Variants in DNAH14 observed in about 807,000 individuals in gnomAD.
The protein encoded by DNAH14 is dynein axonemal heavy chain 14, also known as axonemal beta dynein heavy chain 14.
Under a neutral mutation model 520.9 loss-of-function variants are expected in DNAH14, and 478 were observed. The observed-to-expected ratio is 0.92, with a 90% CI of 0.85 to 0.99. The LOEUF is 0.99. Ranked by LOEUF, DNAH14 falls within the 50% of genes least tolerant of loss-of-function variation. DNAH14 has a pLI of 0.00. For missense variants in DNAH14, 4,831 were observed against 5,234.5 expected, an observed-to-expected ratio of 0.92 and a Z score of 2.38; for synonymous variants, 1,581 against 1,757.2, an observed-to-expected ratio of 0.90 and a Z score of 2.51.
intron 82 of DNAH14, among the ~76,000 whole-genome samples, chr1:225,389,312 G>C (rs1368218954): frequency 6.6e-6 from 1 of 152,210 alleles, no homozygotes; most frequent in African/African-American, 2.4e-5. Context: ...GAATATGGAA[G>C]TATTGAGATT....
At chr1:225,336,138 GA>G (rs941236679) in intron 66 of DNAH14, among the ~76,000 whole-genome samples, 2 of 148,870 alleles carry the variant, frequency 1.3e-5, no homozygotes, top group Non-Finnish European at 3.0e-5. Flanking sequence ...TGTATATGTA[GA>G]CAGACCTCAA....
intron 38 of DNAH14, among the ~76,000 whole-genome samples, 170 bp downstream of exon 38, chr1:225,193,081 A>G (rs2085660202): frequency 6.6e-6 from 1 of 152,176 alleles, no homozygotes; most frequent in Non-Finnish European, 1.5e-5. Flanking sequence ...AAAAAATGGA[A>G]AATCTCCCAT....
chr1:225,336,687 G>A (rs1486895842), intron 66 of DNAH14, among the ~76,000 whole-genome samples: 1 of 152,138 alleles, frequency 6.6e-6, no homozygotes, highest in Non-Finnish European at 1.5e-5. Flanking sequence ...ATAGAACATT[G>A]CCAAAATTGG....
chr1:224,972,236 T>C (rs2061539440), intron 7 of DNAH14, among the ~76,000 whole-genome samples: 1 of 152,128 alleles, frequency 6.6e-6, no homozygotes, highest in Admixed American at 6.5e-5. Flanking sequence ...AATTTGTACT[T>C]AATTTTATAT....
At chr1:225,079,626 AT>A in intron 18 of DNAH14, 78 bp downstream of exon 18, 1 of 953,608 alleles carries the variant, frequency 1.0e-6, no homozygotes, top group Non-Finnish European at 1.5e-6. Context: ...GCATTTGGGT[AT>A]TTGCTTTCAG....
chr1:225,192,319 C>T (rs2085554037), intron 37 of DNAH14, among the ~76,000 whole-genome samples: 1 of 152,062 alleles, frequency 6.6e-6, no homozygotes, highest in Non-Finnish European at 1.5e-5. Flanking sequence ...TATTGCAAAT[C>T]AGGTTAATTT....
intron 8 of DNAH14, among the ~76,000 whole-genome samples, chr1:225,001,192 A>G (rs970131449): frequency 1.3e-5 from 2 of 151,918 alleles, no homozygotes; most frequent in African/African-American, 4.8e-5. Flanking sequence ...GGCAAAAAGG[A>G]AACCCAGGGA....
Position 225,002,885 on chromosome 1 carries a change from T to C in DNAH14, c.933T>C (p.Tyr311=). Residue 311 remains tyrosine (Y), a synonymous_variant, in exon 9 of 86, where the codon TAT becomes TAC. Transcript: ENST00000682510. The part of the protein sequence containing the change: ...LCEDAINLKN[Y]NDHENNLSAI... ...AAGATGCAATTAATCTCAAAAATTA[T>C]AATGACCATGAAAATAATCTATCTG... is the stretch of plus-strand genomic sequence containing the variant. 1 of 1,549,524 alleles carries C rather than the reference T, an allele frequency of 6.5e-7. No homozygotes were observed. Among genetic ancestry groups the C allele is most frequent in the Non-Finnish European group, 8.7e-7 (1 of 1,145,632 alleles).
chr1:225,068,536 G>A (rs2071179070), intron 17 of DNAH14, among the ~76,000 whole-genome samples: 1 of 152,174 alleles, frequency 6.6e-6, no homozygotes, highest in African/African-American at 2.4e-5. Flanking sequence ...ATTGTTTTGG[G>A]CAGTATAGCC....
intron 11 of DNAH14, 130 bp downstream of exon 11, chr1:225,023,995 C>G: frequency 7.2e-7 from 1 of 1,398,368 alleles, no homozygotes; most frequent in South Asian, 1.8e-5. Flanking sequence ...TACATGTACT[C>G]ATTTTTGCTA....
intron 46 of DNAH14, among the ~76,000 whole-genome samples, chr1:225,260,282 G>T (rs897268879): frequency 6.6e-6 from 1 of 151,656 alleles, no homozygotes; most frequent in African/African-American, 2.4e-5. Flanking sequence ...AACTCAGGAG[G>T]TGGAGGTTGC....
Position 225,065,244 on chromosome 1 carries a change from G to T in DNAH14, c.2424+13449G>T, listed in dbSNP as rs1348156629. Among the ~76,000 whole-genome samples the T allele has an allele frequency of 2.0e-5, 3 of 151,756 alleles. No homozygotes were observed. In the East Asian group the frequency reaches 5.8e-4, roughly 29 times the overall value. On this transcript the variant is annotated intron_variant, in intron 17 of 85. Coordinates refer to ENST00000682510, the MANE Select transcript of DNAH14 (RefSeq NM_001367479.1). ...TTACATTGTTGTATATATTTATATTGTTGTATATATTTATAGGGTACAAAG... is the reference window on the plus strand; with the variant it reads ...TTACATTGTTGTATATATTTATATTTTTGTATATATTTATAGGGTACAAAG...
intron 71 of DNAH14, among the ~76,000 whole-genome samples, chr1:225,348,168 C>T (rs78519461): frequency 0.041 from 6,266 of 151,662 alleles, 181 homozygotes; most frequent in Middle Eastern, 0.075. Context: ...TTGAAATTAT[C>T]GAGTCAGAAG....
intron 27 of DNAH14, among the ~76,000 whole-genome samples, chr1:225,130,036 G>C (rs1044429367): frequency 1.3e-5 from 2 of 152,162 alleles, no homozygotes; most frequent in African/African-American, 4.8e-5. Flanking sequence ...CTCAAAAGAA[G>C]ACATTTATGC....
chr1:225,194,942 G>C (rs1023565272), intron 38 of DNAH14, among the ~76,000 whole-genome samples: 5 of 152,058 alleles, frequency 3.3e-5, no homozygotes, highest in African/African-American at 4.8e-5. Flanking sequence ...TTAGAAAAAT[G>C]CAAATGAAAA....
intron 10 of DNAH14, among the ~76,000 whole-genome samples, chr1:225,018,715 C>G (rs1435445567): frequency 2.0e-5 from 3 of 152,152 alleles, no homozygotes; most frequent in Non-Finnish European, 2.9e-5. Flanking sequence ...TAGCAGAAAC[C>G]TTACAAGTCT....
At chr1:225,011,934 C>T (rs1319825863) in intron 10 of DNAH14, among the ~76,000 whole-genome samples, 1 of 151,974 alleles carries the variant, frequency 6.6e-6, no homozygotes, top group African/African-American at 2.4e-5. Context: ...TTAATTGGGG[C>T]ATTTAGCCTG....
intron 20 of DNAH14, 58 bp from the exon 21 acceptor site, chr1:225,085,486 G>A: frequency 7.1e-7 from 1 of 1,400,630 alleles, no homozygotes; most frequent in African/African-American, 1.4e-5. Flanking sequence ...TTTCCATTTT[G>A]GACATATCAG....
intron 8 of DNAH14, among the ~76,000 whole-genome samples, chr1:225,000,147 T>G (rs1317191745): frequency 6.6e-6 from 1 of 152,214 alleles, no homozygotes; most frequent in East Asian, 1.9e-4. Flanking sequence ...CTTAATTTCC[T>G]CTTCATTCAT....
Sources: gnomAD v4.1 joint callset for allele counts (sites outside exome capture counted in the v4.1 genomes callset) on GRCh38, gnomAD v4.1.1 for gene constraint, MANE v1.5 for transcripts, NCBI Gene and HGNC (gene_info 2026-07-23, HGNC 2026-07-21) for gene names.